Variants in DISP1 observed in about 807,000 individuals in gnomAD.
DISP1 encodes the protein dispatched RND transporter family member 1.
A neutral mutation model predicts 37.3 loss-of-function variants in DISP1; 30 were observed. That is an observed-to-expected ratio of 0.80 (90% CI 0.60 to 1.09). The LOEUF (loss-of-function observed/expected upper bound fraction) is 1.09, where lower values mean the gene tolerates loss of function less well. Ranked by LOEUF, DISP1 falls within the 50% of genes least tolerant of loss-of-function variation. The pLI, the probability that DISP1 is intolerant of heterozygous loss-of-function variation, is 0.00. For synonymous variants in DISP1, 634 were observed against 690.2 expected, an observed-to-expected ratio of 0.92 and a Z score of 1.28; for missense variants, 1,598 against 1,879.5, an observed-to-expected ratio of 0.85 and a Z score of 2.77.
chr1:223,001,401 A>C lies in DISP1; in HGVS notation c.988-984A>C, dbSNP rs574681513. 3.3e-5 allele frequency among the ~76,000 whole-genome samples: 5 copies of C among 152,344 alleles called. No individual in the cohort carries two copies. The South Asian group carries it at 8.3e-4, about 25-fold the overall frequency. The stretch of plus-strand genomic sequence containing the variant: ...AAAAATCAGATATCAATCATATTTT[A>C]ATCCAGAAACATTGCCCTTTTCTAC... On this transcript the variant is annotated intron_variant, in intron 8 of 8. Transcript: ENST00000675850.
At chr1:222,961,243 C>T (rs1461806781) in intron 3 of DISP1, among the ~76,000 whole-genome samples, 3 of 152,188 alleles carry the variant, frequency 2.0e-5, no homozygotes, top group Non-Finnish European at 2.9e-5. Context: ...AAACCAAATC[C>T]AGCAGCACAT....
At chr1:222,975,238 C>T (rs958009038) in intron 3 of DISP1, among the ~76,000 whole-genome samples, 2 of 152,010 alleles carry the variant, frequency 1.3e-5, no homozygotes, top group Admixed American at 1.3e-4. Context: ...ACGCCCAGGC[C>T]AGTCTTGAAC....
At chr1:222,976,378 T>C (rs778657451) in intron 3 of DISP1, among the ~76,000 whole-genome samples, 1 of 152,084 alleles carries the variant, frequency 6.6e-6, no homozygotes, top group Non-Finnish European at 1.5e-5. Flanking sequence ...CAGGTGTTTC[T>C]GGTAAGAGAT....
Position 223,002,515 on chromosome 1 carries a change from G to C in DISP1, c.1118G>C (p.Arg373Pro). ...TCGTCCTGTCAGAAAATAGTTGAGC[G>C]AGACGTTTCTCATACCTTGAAGCTG... ...NRSSCQKIVE[R>P]DVSHTLKLLR... Residue 373 changes from arginine (R) to proline (P), a missense_variant, in exon 9 of 9, where the codon CGA becomes CCA. Physicochemically the swap from Arg to Pro is moderately radical, Grantham distance 103. Transcript: ENST00000675850. 6.2e-6 allele frequency: 10 copies of C among 1,614,150 alleles called. No individual in the cohort carries two copies. The highest frequency in any genetic ancestry group is 8.5e-6 in the Non-Finnish European group (10 of 1,180,026).
intron 4 of DISP1, chr1:222,989,650 G>T (rs1678540154): frequency 9.6e-6 from 7 of 732,770 alleles, no homozygotes; most frequent in African/African-American, 1.9e-5. Context: ...GAGAGTACAA[G>T]CATCAGATGT....
At chr1:222,969,610 CAT>C (rs1277001273) in intron 3 of DISP1, among the ~76,000 whole-genome samples, 3 of 151,544 alleles carry the variant, frequency 2.0e-5, no homozygotes, top group Non-Finnish European at 4.4e-5. Flanking sequence ...TATAATGGAA[CAT>C]GTGGCTACTA....
chr1:222,854,005 A>G lies in DISP1; in HGVS notation c.-159+38927A>G, dbSNP rs115199186. 5.0e-3 allele frequency among the ~76,000 whole-genome samples: 767 copies of G among 152,304 alleles called. 11 individuals are homozygous for G. The highest frequency in any genetic ancestry group is 0.017 in the African/African-American group (713 of 41,572). On this transcript the variant is annotated intron_variant, in intron 1 of 8. Transcript: ENST00000675850. ...ATTACCATGTACCCCATGAATATCT[A>G]CAATTATTTTTTGTCAATTAACAAG...
chr1:223,001,361 T>C (rs982249232), intron 8 of DISP1, among the ~76,000 whole-genome samples: 1 of 152,224 alleles, frequency 6.6e-6, no homozygotes, highest in African/African-American at 2.4e-5. Flanking sequence ...TTTATTTTAT[T>C]GTATATACCA....
At chr1:222,820,100 TGCCCTTTCA>T (rs1198489668) in intron 1 of DISP1, among the ~76,000 whole-genome samples, 5 of 152,156 alleles carry the variant, frequency 3.3e-5, no homozygotes, top group African/African-American at 1.2e-4. Context: ...TTCAATCCAG[TGCCCTTTCA>T]GCTACAAAAG....
chr1:222,898,500 T>A (rs1671399471), intron 1 of DISP1, among the ~76,000 whole-genome samples: 1 of 151,644 alleles, frequency 6.6e-6, no homozygotes, highest in African/African-American at 2.4e-5. Flanking sequence ...AGGAATATAT[T>A]AATACACTTA....
At chr1:222,819,458 C>A (rs1662175126) in intron 1 of DISP1, among the ~76,000 whole-genome samples, 1 of 151,710 alleles carries the variant, frequency 6.6e-6, no homozygotes, top group African/African-American at 2.4e-5. Context: ...AATGGCCCCT[C>A]CACTCTCTGA....
At chr1:222,832,869 T>A (rs61839593) in intron 1 of DISP1, among the ~76,000 whole-genome samples, 3 of 151,456 alleles carry the variant, frequency 2.0e-5, no homozygotes, top group African/African-American at 4.9e-5. Context: ...GCACTCCAGC[T>A]TTTGTGACAG....
At chr1:222,991,775 G>A in intron 6 of DISP1, 128 bp downstream of exon 6, 1 of 1,104,966 alleles carries the variant, frequency 9.1e-7, no homozygotes, top group Non-Finnish European at 1.3e-6. Context: ...CACTGAATTT[G>A]CTTAACTTGT....
chr1:222,914,785 C>A (rs1340457513), intron 1 of DISP1, among the ~76,000 whole-genome samples: 1 of 152,070 alleles, frequency 6.6e-6, no homozygotes, highest in Admixed American at 6.5e-5. Context: ...CACAGCATGA[C>A]CTCATCTCTA....
Position 222,919,060 on chromosome 1 carries a change from G to A in DISP1, c.-158-9370G>A, listed in dbSNP as rs139734170. ...GCCATGGATCCCAACCACCGGCTTG[G>A]TTCCCTCAGTAGGAGCCATAAGCCA... On this transcript the variant is annotated intron_variant, in intron 1 of 8. Transcript: ENST00000675850. Among the ~76,000 whole-genome samples the A allele has an allele frequency of 2.5e-3, 379 of 152,338 alleles. 1 individual carries two copies. Among genetic ancestry groups the A allele is most frequent in the African/African-American group, 8.7e-3 (361 of 41,578 alleles).
At chr1:222,887,496 T>G (rs960706487) in intron 1 of DISP1, among the ~76,000 whole-genome samples, 1 of 122,270 alleles carries the variant, frequency 8.2e-6, no homozygotes, top group African/African-American at 3.0e-5. Flanking sequence ...GTTTTTTTTT[T>G]TTTTTTTTTT....
At chr1:222,894,732 T>TTCCCGC (rs1412917242) in intron 1 of DISP1, among the ~76,000 whole-genome samples, 1 of 152,234 alleles carries the variant, frequency 6.6e-6, no homozygotes, top group African/African-American at 2.4e-5. Context: ...CTCCCACCTG[T>TTCCCGC]TCCCGCTCCC....
chr1:222,822,607 A>G (rs1451608790), intron 1 of DISP1, among the ~76,000 whole-genome samples: 2 of 152,350 alleles, frequency 1.3e-5, no homozygotes, highest in South Asian at 2.1e-4. Flanking sequence ...CAATTTGATC[A>G]TGAGCTAGAA....
intron 1 of DISP1, among the ~76,000 whole-genome samples, chr1:222,875,602 A>G (rs1277970575): frequency 6.9e-6 from 1 of 144,378 alleles, no homozygotes; most frequent in Non-Finnish European, 1.5e-5. Context: ...GCAGATCATG[A>G]GGTCAGGAGT....
Sources: allele counts gnomAD v4.1 joint callset (sites outside exome capture counted in the v4.1 genomes callset), GRCh38; gene constraint gnomAD v4.1.1; transcripts MANE v1.5; gene names NCBI Gene and HGNC (gene_info 2026-07-23, HGNC 2026-07-21).